Variants in ABLIM1 observed in about 807,000 individuals in gnomAD.
ABLIM1 encodes actin-binding LIM protein 1.
A neutral mutation model predicts 107.0 loss-of-function variants in ABLIM1; 40 were observed. That is an observed-to-expected ratio of 0.37 (90% confidence interval 0.29 to 0.49). The LOEUF (loss-of-function observed/expected upper bound fraction) is 0.49. ABLIM1 is among the 20% of genes least tolerant of loss of function. The pLI, the probability that ABLIM1 is intolerant of heterozygous loss-of-function variation, is 0.97. For missense variants in ABLIM1, 857 were observed against 1,008.5 expected (o/e 0.85, Z 2.04); for synonymous variants, 357 against 357.3 (o/e 1.00, Z 0.01).
intron 4 of ABLIM1, among the ~76,000 whole-genome samples, chr10:114,554,499 C>G (rs1398408559): frequency 6.6e-6 from 1 of 152,148 alleles, no homozygotes; most frequent in Non-Finnish European, 1.5e-5. Flanking sequence ...GAATTCAAGA[C>G]CAGCCTAGGC....
intron 6 of ABLIM1, among the ~76,000 whole-genome samples, chr10:114,530,337 G>A (rs191714019): frequency 4.1e-4 from 63 of 152,188 alleles, no homozygotes; most frequent in Admixed American, 2.6e-4. Context: ...CCTCTTCACC[G>A]TCATACTAAA....
At chr10:114,457,223 A>T (rs1393990104) in intron 12 of ABLIM1, among the ~76,000 whole-genome samples, 1 of 151,936 alleles carries the variant, frequency 6.6e-6, no homozygotes, top group Non-Finnish European at 1.5e-5. Flanking sequence ...TCTCAGGAAG[A>T]GGCCTCTTTC....
At chr10:114,757,377 T>C (rs1210333139) in intron 1 of ABLIM1, among the ~76,000 whole-genome samples, 1 of 152,132 alleles carries the variant, frequency 6.6e-6, no homozygotes, top group Non-Finnish European at 1.5e-5. Flanking sequence ...AACTGTAAAA[T>C]AGGAATAATA....
intron 1 of ABLIM1, among the ~76,000 whole-genome samples, chr10:114,610,322 G>T (rs2076721850): frequency 6.6e-6 from 1 of 152,176 alleles, no homozygotes; most frequent in African/African-American, 2.4e-5. Context: ...TCTCTCTCTG[G>T]TTGAGACTGG....
At chr10:114,780,833 C>T in the ABLIM1 span, among the ~76,000 whole-genome samples, 1 of 152,146 alleles carries the variant, frequency 6.6e-6, no homozygotes, top group African/African-American at 2.4e-5. Flanking sequence ...TGAAAGACCA[C>T]AGTGGACAGG....
At position 114,439,243 on chromosome 10, in the gene ABLIM1, G is replaced by A. The variant is rs775062919; in HGVS notation, c.2075C>T (p.Pro692Leu). 5 of 1,614,200 alleles carry A rather than the reference G, an allele frequency of 3.1e-6. No individual in the cohort carries two copies. The highest frequency in any genetic ancestry group is 4.2e-6 in the Non-Finnish European group (5 of 1,180,022). Reference sequence around the variant, plus strand: ...TCTCATTGCAGGCATGTGGCCATCTGGGAGTGTCTGCAACAGAAATGCCAG... The same window carrying A: ...TCTCATTGCAGGCATGTGGCCATCTAGGAGTGTCTGCAACAGAAATGCCAG... ...SGGVRDYQTL[P>L]DGHMPAMRMD... Residue 692 changes from proline to leucine, a missense_variant, in exon 21 of 23, where the codon CCA (proline) becomes CTA (leucine). By Grantham distance (98) the Pro-to-Leu change is moderately conservative. Around this residue, in one of 5 missense-constraint regions of ABLIM1, gnomAD observed 193 missense variants for 208.5 expected, o/e 0.93. Transcript: ENST00000533213.
At chr10:114,607,588 T>C (rs2076512151) in intron 1 of ABLIM1, among the ~76,000 whole-genome samples, 1 of 152,346 alleles carries the variant, frequency 6.6e-6, no homozygotes, top group East Asian at 1.9e-4. Flanking sequence ...GTTGACAGAA[T>C]GTACCTTTGA....
chr10:114,647,212 T>TTAGGGAAAAGAGCCCAAGGAAA (rs2079048623), intron 1 of ABLIM1, among the ~76,000 whole-genome samples: 1 of 145,750 alleles, frequency 6.9e-6, no homozygotes, highest in African/African-American at 2.8e-5. Context: ...TGGGCCAGAC[T>TTAGGGAAAAGAGCCCAAGGAAA]GGTCTTGAAC....
At chr10:114,536,945 G>C (rs1289286695) in intron 6 of ABLIM1, among the ~76,000 whole-genome samples, 1 of 152,184 alleles carries the variant, frequency 6.6e-6, no homozygotes, top group East Asian at 1.9e-4. Context: ...CAGAAACACA[G>C]CAGACTCTAT....
chr10:114,737,086 G>C (rs546544357), intron 1 of ABLIM1, among the ~76,000 whole-genome samples: 1 of 152,262 alleles, frequency 6.6e-6, no homozygotes, highest in East Asian at 1.9e-4. Context: ...CTACTCAAAA[G>C]GCTGAGGCAG....
intron 1 of ABLIM1, among the ~76,000 whole-genome samples, chr10:114,750,072 A>AT (rs978480001): frequency 7.2e-5 from 11 of 151,956 alleles, no homozygotes; most frequent in Admixed American, 3.3e-4. Flanking sequence ...ACTGGCAAGG[A>AT]TTTTTTTTTA....
chr10:114,772,823 A>G (rs2083040543), upstream of ABLIM1, among the ~76,000 whole-genome samples: 1 of 152,172 alleles, frequency 6.6e-6, no homozygotes, highest in Non-Finnish European at 1.5e-5. Flanking sequence ...ATATAAAGTA[A>G]CAAAAAAATA....
chr10:114,502,352 T>C (rs931720817), intron 6 of ABLIM1: 2 of 152,720 alleles, frequency 1.3e-5, no homozygotes, highest in African/African-American at 2.4e-5. Context: ...TATAGAGTTT[T>C]TTCTTTTCTT....
At chr10:114,728,088 C>T (rs1179060889) in intron 1 of ABLIM1, among the ~76,000 whole-genome samples, 1 of 152,106 alleles carries the variant, frequency 6.6e-6, no homozygotes, top group Non-Finnish European at 1.5e-5. Flanking sequence ...GATAAAGATA[C>T]TAATAGTCGG....
intron 1 of ABLIM1, among the ~76,000 whole-genome samples, chr10:114,737,254 G>A (rs1311470261): frequency 6.6e-6 from 1 of 152,132 alleles, no homozygotes; most frequent in African/African-American, 2.4e-5. Flanking sequence ...AAACCAGGAG[G>A]CAGAGATTGC....
chr10:114,512,083 T>C (rs2061954290), intron 6 of ABLIM1, among the ~76,000 whole-genome samples: 1 of 152,246 alleles, frequency 6.6e-6, no homozygotes, highest in Non-Finnish European at 1.5e-5. Context: ...ACTTCCTTGC[T>C]GCAGGCCAGT....
intron 12 of ABLIM1, among the ~76,000 whole-genome samples, chr10:114,465,206 C>T (rs975132190): frequency 3.3e-5 from 5 of 152,080 alleles, no homozygotes; most frequent in Admixed American, 1.3e-4. Context: ...AGGGTTGGAA[C>T]GATCTTAAAA....
At chr10:114,744,468 G>T (rs1454762660) in intron 1 of ABLIM1, among the ~76,000 whole-genome samples, 8 of 152,090 alleles carry the variant, frequency 5.3e-5, no homozygotes, top group East Asian at 3.9e-4. Context: ...GTGATCATTT[G>T]CTGTAATTGC....
chr10:114,733,284 G>C (rs989505656), intron 1 of ABLIM1, among the ~76,000 whole-genome samples: 2 of 152,004 alleles, frequency 1.3e-5, no homozygotes, highest in Non-Finnish European at 2.9e-5. Flanking sequence ...AAGACCACAG[G>C]GAAAACAGCA....
Sources: gnomAD v4.1 joint callset for allele counts (sites outside exome capture counted in the v4.1 genomes callset) on GRCh38, gnomAD v4.1.1 for gene constraint, gnomAD v4.1.1 regional missense constraint, MANE v1.5 for transcripts, NCBI Gene and HGNC (gene_info 2026-07-23, HGNC 2026-07-21) for gene names.